DIS3L2: variants seen among roughly 807,000 people sequenced by gnomAD.
The protein encoded by DIS3L2 is DIS3-like exonuclease 2.
DIS3L2 carries 34 observed loss-of-function variants against 97.5 expected under a neutral mutation model. The observed-to-expected ratio is 0.35, with a 90% CI of 0.27 to 0.46. DIS3L2 has a LOEUF of 0.46. DIS3L2 is among the 20% of genes least tolerant of loss of function. The pLI, the probability that DIS3L2 is intolerant of heterozygous loss-of-function variation, is 1.00. For missense variants in DIS3L2, 1,038 were observed against 1,146.0 expected (o/e 0.91, Z 1.36); for synonymous variants, 435 against 445.2 (o/e 0.98, Z 0.29).
chr2:232,275,205 G>C (rs1258431228), intron 13 of DIS3L2, among the ~76,000 whole-genome samples: 1 of 152,136 alleles, frequency 6.6e-6, no homozygotes, highest in African/African-American at 2.4e-5. Flanking sequence ...TCTCCCCTAG[G>C]TGCCTGGTGC....
At chr2:232,331,348 C>G (rs1018682623) in intron 16 of DIS3L2, among the ~76,000 whole-genome samples, 3 of 152,172 alleles carry the variant, frequency 2.0e-5, no homozygotes, top group Non-Finnish European at 2.9e-5. Flanking sequence ...AGAGGACCCT[C>G]GGGTCAGCGG....
At chr2:232,334,108 G>A (rs548622414) in intron 17 of DIS3L2, 121 bp downstream of exon 17, 314 of 1,436,138 alleles carry the variant, frequency 2.2e-4, no homozygotes, top group Non-Finnish European at 2.7e-4. Flanking sequence ...AGGGTCGGGC[G>A]ACCCAAGTGC....
chr2:232,005,170 A>ATTTTTTTTTTTTTT (rs55757645), intron 1 of DIS3L2, among the ~76,000 whole-genome samples: 4 of 126,562 alleles, frequency 3.2e-5, no homozygotes, highest in Non-Finnish European at 6.4e-5. Context: ...AAGAATCTTG[A>ATTTTTTTTTTTTTT]TTTTTTTTTT....
At chr2:231,999,650 T>TA (rs1693826870) in intron 1 of DIS3L2, among the ~76,000 whole-genome samples, 2 of 152,212 alleles carry the variant, frequency 1.3e-5, no homozygotes, top group Admixed American at 6.5e-5. Flanking sequence ...CATACTTCTA[T>TA]AAAAAACCTA....
chr2:232,329,785 T>TCCCCGGGGCCCCCCCC, intron 14 of DIS3L2, 28 bp from the exon 15 acceptor site: 5 of 967,134 alleles, frequency 5.2e-6, no homozygotes, highest in Admixed American at 3.4e-5. Flanking sequence ...ACCCCAGCGG[T>TCCCCGGGGCCCCCCCC]CCCTCCCATC....
chr2:232,021,534 A>G (rs1694512511), intron 3 of DIS3L2, among the ~76,000 whole-genome samples: 1 of 151,918 alleles, frequency 6.6e-6, no homozygotes, highest in South Asian at 2.1e-4. Context: ...TTAGGGGAGC[A>G]AATGGTAGTT....
intron 19 of DIS3L2, chr2:232,335,518 C>G (rs890089477): frequency 5.9e-6 from 3 of 511,312 alleles, no homozygotes; most frequent in African/African-American, 3.9e-5. Flanking sequence ...CAGCCCTGGA[C>G]CCCCCACCAC....
chr2:231,985,829 A>G (rs192371331), intron 1 of DIS3L2, among the ~76,000 whole-genome samples: 14 of 152,306 alleles, frequency 9.2e-5, no homozygotes, highest in Admixed American at 9.1e-4. Context: ...ATTGAGGCCT[A>G]GATAGCTGGT....
chr2:232,312,581 C>T (rs1389114354), intron 14 of DIS3L2, among the ~76,000 whole-genome samples: 1 of 152,200 alleles, frequency 6.6e-6, no homozygotes, highest in Non-Finnish European at 1.5e-5. Flanking sequence ...TATTCTTGGC[C>T]CATTCCATTT....
intron 10 of DIS3L2, among the ~76,000 whole-genome samples, chr2:232,222,309 T>C (rs200381390): frequency 8.8e-6 from 1 of 114,274 alleles, no homozygotes; most frequent in South Asian, 4.0e-4. Flanking sequence ...ATTTTATGTC[T>C]CAGGCAGATC....
At chr2:232,296,641 G>A (rs1019203407) in intron 13 of DIS3L2, among the ~76,000 whole-genome samples, 5 of 152,132 alleles carry the variant, frequency 3.3e-5, no homozygotes, top group East Asian at 1.9e-4. Flanking sequence ...CTTGCCTCTC[G>A]CCACGTAAGA....
chr2:232,095,062 T>G (rs1696966007), intron 6 of DIS3L2, among the ~76,000 whole-genome samples: 3 of 152,208 alleles, frequency 2.0e-5, no homozygotes, highest in African/African-American at 7.2e-5. Flanking sequence ...TGAAGTGTGT[T>G]TCTGGTAGGC....
At chr2:232,243,293 C>A (rs947394556) in intron 11 of DIS3L2, among the ~76,000 whole-genome samples, 4 of 152,022 alleles carry the variant, frequency 2.6e-5, no homozygotes, top group Non-Finnish European at 5.9e-5. Flanking sequence ...GTTTGGAATT[C>A]TTGGGGTGTG....
At chr2:232,302,448 C>G (rs1025987362) in intron 14 of DIS3L2, among the ~76,000 whole-genome samples, 1 of 151,766 alleles carries the variant, frequency 6.6e-6, no homozygotes, top group African/African-American at 2.4e-5. Context: ...ACTGCTTTCT[C>G]TGGTTCTCTC....
chr2:232,061,542 T>A (rs913839996), intron 5 of DIS3L2, among the ~76,000 whole-genome samples: 7 of 152,216 alleles, frequency 4.6e-5, no homozygotes. Flanking sequence ...TTTTACAGCT[T>A]GTGGCCAGGT....
At chr2:231,972,749 G>T (rs1692959059) in intron 1 of DIS3L2, among the ~76,000 whole-genome samples, 1 of 152,014 alleles carries the variant, frequency 6.6e-6, no homozygotes, top group Non-Finnish European at 1.5e-5. Context: ...TTACCATGTT[G>T]CCCAAGCTGG....
At chr2:232,168,845 A>G (rs2106169169) in intron 9 of DIS3L2, among the ~76,000 whole-genome samples, 1 of 152,314 alleles carries the variant, frequency 6.6e-6, no homozygotes, top group African/African-American at 2.4e-5. Flanking sequence ...GCAGTAGGTA[A>G]GCATGTGGAG....
At chr2:232,200,864 A>C (rs1301026394) in intron 9 of DIS3L2, among the ~76,000 whole-genome samples, 1 of 151,178 alleles carries the variant, frequency 6.6e-6, no homozygotes, top group Non-Finnish European at 1.5e-5. Context: ...ACTCACTGCA[A>C]ACTCCGCCTC....
chr2:232,329,788 C>CGGGGGGGGGGTGG, intron 14 of DIS3L2, 25 bp from the exon 15 acceptor site: 1 of 1,080,634 alleles, frequency 9.3e-7, no homozygotes, highest in Non-Finnish European at 1.3e-6. Flanking sequence ...CCAGCGGTCC[C>CGGGGGGGGGGTGG]TCCCATCCCA....
Sources: allele counts gnomAD v4.1 joint callset (sites outside exome capture counted in the v4.1 genomes callset), GRCh38; gene constraint gnomAD v4.1.1; transcripts MANE v1.5; gene names NCBI Gene and HGNC (gene_info 2026-07-23, HGNC 2026-07-21).